SOX5: variants seen among roughly 807,000 people sequenced by gnomAD.
The protein encoded by SOX5 is SRY-box transcription factor 5.
In SOX5, 9 loss-of-function variants were observed where a neutral mutation model predicts 92.0. The ratio of observed to expected loss-of-function variants is 0.10; its 90% CI spans 0.06 to 0.17. The LOEUF (loss-of-function observed/expected upper bound fraction) is 0.17, where lower values mean the gene tolerates loss of function less well. SOX5 is among the 10% of genes least tolerant of loss of function. SOX5 has a pLI of 1.00. For synonymous variants in SOX5, 344 were observed against 336.3 expected, an observed-to-expected ratio of 1.02 and a Z score of -0.25; for missense variants, 642 against 944.5, an observed-to-expected ratio of 0.68 and a Z score of 4.20.
Position 23,604,480 on chromosome 12 carries a change from C to A in SOX5, c.1071G>T (p.Leu357=). Residue 357 remains leucine, a synonymous_variant, in exon 9 of 15, where the codon CTG becomes CTT. Coordinates refer to ENST00000451604, the MANE Select transcript of SOX5 (RefSeq NM_006940.6). Reference sequence around the variant, plus strand: ...CAAGGTTGCCTTGGGGTATGCCTGGCAGCTTCCCTCCTGGAGATACCTGCA... The same window carrying A: ...CAAGGTTGCCTTGGGGTATGCCTGGAAGCTTCCCTCCTGGAGATACCTGCA... ...AAMQVSPGGK[L]PGIPQGNLGA... is the part of the protein sequence containing the mutation. 3 of 1,613,792 alleles carry A rather than the reference C, an allele frequency of 1.9e-6. No individual in the cohort carries two copies. Among genetic ancestry groups the A allele is most frequent in the Non-Finnish European group, 2.5e-6 (3 of 1,179,814 alleles).
chr12:24,417,897 G>A (rs1340493355), intron 1 of SOX5, among the ~76,000 whole-genome samples: 1 of 152,120 alleles, frequency 6.6e-6, no homozygotes, highest in East Asian at 1.9e-4. Flanking sequence ...TGTTTTAAGG[G>A]CAAGTTTAAT....
intron 2 of SOX5, among the ~76,000 whole-genome samples, chr12:24,348,366 A>ATTTATTTATTT (rs1240939791): frequency 6.7e-6 from 1 of 148,970 alleles, no homozygotes; most frequent in African/African-American, 2.5e-5. Flanking sequence ...ATTGACTCCT[A>ATTTATTTATTT]TTTATTTATT....
At chr12:23,600,289 G>A (rs898956179) in intron 9 of SOX5, among the ~76,000 whole-genome samples, 1 of 151,838 alleles carries the variant, frequency 6.6e-6, no homozygotes, top group African/African-American at 2.4e-5. Flanking sequence ...GGACACACAA[G>A]AGCTAGAATA....
intron 8 of SOX5, among the ~76,000 whole-genome samples, chr12:23,632,761 T>C (rs1029664403): frequency 1.3e-5 from 2 of 152,126 alleles, no homozygotes; most frequent in Non-Finnish European, 2.9e-5. Context: ...AAAAGATTGA[T>C]TTCAGTTGAT....
intron 4 of SOX5, among the ~76,000 whole-genome samples, chr12:24,104,104 T>C (rs1418440176): frequency 1.3e-5 from 2 of 152,248 alleles, no homozygotes; most frequent in South Asian, 2.1e-4. Context: ...CTCATGTAAA[T>C]AGTAGATAGA....
intron 6 of SOX5, among the ~76,000 whole-genome samples, chr12:23,682,551 G>A (rs1035568557): frequency 3.3e-5 from 5 of 151,628 alleles, no homozygotes; most frequent in African/African-American, 1.2e-4. Flanking sequence ...ATCATGTAGT[G>A]GTTAGCAATT....
At chr12:24,174,788 C>A (rs1421780741) in intron 4 of SOX5, among the ~76,000 whole-genome samples, 2 of 151,960 alleles carry the variant, frequency 1.3e-5, no homozygotes, top group Admixed American at 6.6e-5. Context: ...CCGTTGCACT[C>A]CAGCCCGGGC....
At chr12:23,726,123 GA>G (rs1162859529) in intron 6 of SOX5, among the ~76,000 whole-genome samples, 100 of 8,280 alleles carry the variant, frequency 0.012, 1 homozygote, top group African/African-American at 0.061. Context: ...ATCCCCGAGA[GA>G]GAGAGAGAGA....
chr12:23,620,039 G>T (rs747199729), intron 8 of SOX5, among the ~76,000 whole-genome samples: 1 of 150,740 alleles, frequency 6.6e-6, no homozygotes, highest in Non-Finnish European at 1.5e-5. Flanking sequence ...GAAGTATATG[G>T]TGCTCTAAGA....
intron 3 of SOX5, among the ~76,000 whole-genome samples, chr12:24,268,056 A>G (rs1000821113): frequency 9.9e-5 from 15 of 152,218 alleles, no homozygotes; most frequent in Admixed American, 9.2e-4. Context: ...CCTAGTTCCA[A>G]GATCAGGAAA....
intron 2 of SOX5, among the ~76,000 whole-genome samples, chr12:24,367,148 T>C (rs1435121216): frequency 6.6e-6 from 1 of 152,132 alleles, no homozygotes; most frequent in Admixed American, 6.5e-5. Context: ...GACATAATTA[T>C]GGGGCCCCTA....
intron 2 of SOX5, among the ~76,000 whole-genome samples, chr12:24,326,404 G>A (rs1029294323): frequency 2.0e-5 from 3 of 152,036 alleles, no homozygotes; most frequent in African/African-American, 7.3e-5. Context: ...AGGGCTCACT[G>A]TACCCTTAAC....
chr12:23,696,801 T>C (rs1252591176), intron 6 of SOX5, among the ~76,000 whole-genome samples: 4 of 152,186 alleles, frequency 2.6e-5, no homozygotes, highest in Admixed American at 2.6e-4. Context: ...TCAATTTTCA[T>C]TCAGTTCAAA....
chr12:23,698,043 T>A (rs1286108800), intron 6 of SOX5, among the ~76,000 whole-genome samples: 3 of 152,222 alleles, frequency 2.0e-5, no homozygotes, highest in Non-Finnish European at 4.4e-5. Context: ...TTTATTTTAT[T>A]GGATACTCCA....
intron 5 of SOX5, among the ~76,000 whole-genome samples, chr12:23,735,124 A>C (rs2093541289): frequency 6.6e-6 from 1 of 152,178 alleles, no homozygotes; most frequent in African/African-American, 2.4e-5. Flanking sequence ...GGGGAGGTTT[A>C]AGACTGAGGA....
chr12:24,390,842 A>G (rs1958921745), intron 1 of SOX5, among the ~76,000 whole-genome samples: 1 of 152,158 alleles, frequency 6.6e-6, no homozygotes, highest in Non-Finnish European at 1.5e-5. Flanking sequence ...ATGGACACTT[A>G]GGCTGATTCT....
chr12:23,624,557 T>C (rs1379872721), intron 8 of SOX5, among the ~76,000 whole-genome samples: 3 of 152,144 alleles, frequency 2.0e-5, no homozygotes, highest in Non-Finnish European at 4.4e-5. Flanking sequence ...CTGAAAGCAG[T>C]TATAAAATGG....
chr12:23,913,012 C>T (rs1233140585), intron 1 of SOX5, among the ~76,000 whole-genome samples: 1 of 151,994 alleles, frequency 6.6e-6, no homozygotes, highest in East Asian at 1.9e-4. Flanking sequence ...TTCAATAAAG[C>T]AATATGTTTT....
In SOX5 at chr12:23,531,529, A is replaced by C. The variant is rs1396151673; in HGVS notation, c.*2690T>G. The C allele has an allele frequency of 6.6e-6, 1 of 152,240 alleles. No homozygotes were observed. The highest frequency in any genetic ancestry group is 1.5e-5 in the Non-Finnish European group (1 of 68,036). 9.4% of individuals were successfully genotyped at this position (152,240 alleles called of 1,614,324 possible). A position where few individuals can be genotyped will look rare whatever the true frequency, so the allele number is the denominator to read the frequency against. On this transcript the variant is annotated 3_prime_UTR_variant, in exon 15 of 15. Transcript: ENST00000451604. The stretch of plus-strand genomic sequence containing the variant: ...ATCTTTCATAACATGGTGTAAAGTA[A>C]GTATCCAGCAAACGTGAGAGGTGAA...
Sources: allele counts gnomAD v4.1 joint callset (sites outside exome capture counted in the v4.1 genomes callset), GRCh38; gene constraint gnomAD v4.1.1; transcripts MANE v1.5; gene names NCBI Gene and HGNC (gene_info 2026-07-23, HGNC 2026-07-21).